CC2D2B: variants seen among roughly 807,000 people sequenced by gnomAD.
CC2D2B encodes the protein protein CC2D2B.
In CC2D2B, 128 loss-of-function variants were observed where a neutral mutation model predicts 161.2. That is an observed-to-expected ratio of 0.79 (90% CI 0.69 to 0.92). The LOEUF (loss-of-function observed/expected upper bound fraction) is 0.92. Ranked by LOEUF, CC2D2B falls within the 40% of genes least tolerant of loss-of-function variation. The pLI, the probability that CC2D2B is intolerant of heterozygous loss-of-function variation, is 0.00. For synonymous variants in CC2D2B, 391 were observed against 449.8 expected (o/e 0.87, Z 1.65); for missense variants, 1,173 against 1,375.1 (o/e 0.85, Z 2.32).
chr10:95,916,754 A>G (rs1188441855), intron 2 of CC2D2B, among the ~76,000 whole-genome samples: 1 of 152,164 alleles, frequency 6.6e-6, no homozygotes, highest in Admixed American at 6.5e-5. Flanking sequence ...CAGAGAAGAT[A>G]CTTGATATGA....
At chr10:95,985,439 T>A (rs2077679935) in intron 19 of CC2D2B, among the ~76,000 whole-genome samples, 1 of 152,240 alleles carries the variant, frequency 6.6e-6, no homozygotes, top group South Asian at 2.1e-4. Flanking sequence ...CTGTCTTTAC[T>A]GCAATCTCTT....
Position 95,974,153 on chromosome 10 carries a change from G to T in CC2D2B, c.1940G>T (p.Cys647Phe), listed in dbSNP as rs539048537. Reference sequence around the variant, plus strand: ...CCACAATCATTAAGATCTTCTTACTGCAGGTAATAAACTTTTATCTTTGAA... The same window carrying T: ...CCACAATCATTAAGATCTTCTTACTTCAGGTAATAAACTTTTATCTTTGAA... ...PMPQSLRSSY[C>F]SMLRNVDARS... The change falls in exon 17 of 35, where the codon TGC (cysteine) becomes TTC (phenylalanine). Residue 647 changes from cysteine (C) to phenylalanine (F), a missense_variant. This residue lies in a region of CC2D2B where 277 missense variants were observed against 420.6 expected (regional missense o/e 0.66). Transcript: ENST00000646931. 4.3e-5 allele frequency: 53 copies of T among 1,228,478 alleles called. 1 individual carries two copies. In the South Asian group the frequency reaches 2.0e-3, roughly 47 times the overall value. 76.1% of individuals were successfully genotyped at this position (1,228,478 alleles called of 1,614,324 possible). A position where few individuals can be genotyped will look rare whatever the true frequency, so the allele number is the denominator to read the frequency against.
At chr10:95,959,071 A>G (rs1403467950) in intron 11 of CC2D2B, among the ~76,000 whole-genome samples, 1 of 152,034 alleles carries the variant, frequency 6.6e-6, no homozygotes, top group Non-Finnish European at 1.5e-5. Flanking sequence ...AAACATTTAT[A>G]TGGAAAAGAC....
chr10:96,028,702 G>A (rs2079891851), intron 34 of CC2D2B, among the ~76,000 whole-genome samples: 1 of 152,156 alleles, frequency 6.6e-6, no homozygotes, highest in South Asian at 2.1e-4. Flanking sequence ...CTGTTCACAA[G>A]AGCCAAGATT....
intron 29 of CC2D2B, among the ~76,000 whole-genome samples, chr10:96,014,498 T>C (rs921764355): frequency 2.6e-5 from 4 of 152,214 alleles, no homozygotes; most frequent in Non-Finnish European, 4.4e-5. Context: ...CATGAGTGTA[T>C]GACTGATTCA....
intron 2 of CC2D2B, among the ~76,000 whole-genome samples, chr10:95,912,030 T>C (rs923192404): frequency 1.3e-5 from 2 of 152,148 alleles, no homozygotes; most frequent in Non-Finnish European, 2.9e-5. Flanking sequence ...ATTTTGAAGT[T>C]TTTTCGGAAA....
At chr10:95,963,905 T>C (rs2076852980) in intron 12 of CC2D2B, among the ~76,000 whole-genome samples, 1 of 152,170 alleles carries the variant, frequency 6.6e-6, no homozygotes, top group African/African-American at 2.4e-5. Flanking sequence ...AAACTCTCCT[T>C]GTTAACTGTT....
intron 2 of CC2D2B, chr10:95,919,494 G>A (rs2098522544): frequency 6.6e-6 from 1 of 152,208 alleles, no homozygotes; most frequent in Admixed American, 6.5e-5. Context: ...CAAACAAAGT[G>A]TCTTTCTCTC....
At chr10:95,997,533 G>A (rs1420977205) in intron 24 of CC2D2B, among the ~76,000 whole-genome samples, 2 of 152,050 alleles carry the variant, frequency 1.3e-5, no homozygotes, top group African/African-American at 4.8e-5. Flanking sequence ...GACTACAGGA[G>A]TGTACCACCA....
At chr10:95,971,936 G>A in intron 15 of CC2D2B, 130 bp from the exon 16 acceptor site, 1 of 450,358 alleles carries the variant, frequency 2.2e-6, no homozygotes, top group East Asian at 3.6e-5. Context: ...TCATGTGGAT[G>A]AAATGCTATA....
At chr10:96,028,811 C>T (rs1467578013) in intron 34 of CC2D2B, among the ~76,000 whole-genome samples, 2 of 152,144 alleles carry the variant, frequency 1.3e-5, no homozygotes, top group Non-Finnish European at 2.9e-5. Flanking sequence ...GGATGAGATC[C>T]TGTCATTTGC....
chr10:95,960,313 C>T (rs980181272), intron 11 of CC2D2B, among the ~76,000 whole-genome samples: 1 of 152,094 alleles, frequency 6.6e-6, no homozygotes, highest in Non-Finnish European at 1.5e-5. Flanking sequence ...ATGTTGGTAA[C>T]ATTTACAATA....
In CC2D2B at chr10:95,988,238, T is replaced by A. The variant is rs1307274801; in HGVS notation, c.2287-12T>A. ...TACATTCAAGAAGTGAAACTAACAA[T>A]TCTGTATTTAGGAGTATGAAAGTCA... On this transcript the variant is annotated splice_polypyrimidine_tract_variant and intron_variant, in intron 19 of 34. Coordinates refer to ENST00000646931, the MANE Select transcript of CC2D2B (RefSeq NM_001349008.3). 1 of 1,110,776 alleles carries A rather than the reference T, an allele frequency of 9.0e-7. No individual in the cohort carries two copies. The highest frequency in any genetic ancestry group is 1.6e-5 in the African/African-American group (1 of 61,936). The allele number at this position is 1,110,776 out of a possible 1,614,324, so 68.8% of individuals were successfully genotyped here. A position where few individuals can be genotyped will look rare whatever the true frequency, so the allele number is the denominator to read the frequency against.
intron 11 of CC2D2B, among the ~76,000 whole-genome samples, chr10:95,957,455 C>T (rs191408632): frequency 8.6e-5 from 13 of 151,958 alleles, no homozygotes; most frequent in African/African-American, 2.9e-4. Context: ...AGAAAGTGAC[C>T]ACACATACCC....
chr10:95,909,424 T>A (rs530592105), intron 1 of CC2D2B, among the ~76,000 whole-genome samples: 1 of 152,334 alleles, frequency 6.6e-6, no homozygotes, highest in African/African-American at 2.4e-5. Flanking sequence ...GCATCCTAAT[T>A]CAAATTAAGT....
intron 15 of CC2D2B, among the ~76,000 whole-genome samples, chr10:95,970,036 CTT>C (rs575422353): frequency 2.8e-5 from 4 of 141,976 alleles, no homozygotes; most frequent in Non-Finnish European, 4.7e-5. Flanking sequence ...ATTTTTAATT[CTT>C]TTTTTTTTTT....
At chr10:96,017,172 C>T (rs2079238968) in intron 30 of CC2D2B, among the ~76,000 whole-genome samples, 1 of 152,206 alleles carries the variant, frequency 6.6e-6, no homozygotes, top group African/African-American at 2.4e-5. Context: ...GCTTCTTCTA[C>T]ATTTGTACCA....
chr10:95,959,707 G>T (rs2076696688), intron 11 of CC2D2B, among the ~76,000 whole-genome samples: 1 of 150,458 alleles, frequency 6.6e-6, no homozygotes, highest in South Asian at 2.1e-4. Context: ...GGAATGCAAG[G>T]ATGGTTCAAC....
At chr10:96,013,669 A>G (rs1465612462) in intron 28 of CC2D2B, 119 bp from the exon 29 acceptor site, 2 of 564,842 alleles carry the variant, frequency 3.5e-6, no homozygotes, top group Non-Finnish European at 6.1e-6. Context: ...ATACTAGAAT[A>G]ATAATAGTGT....
Sources: gnomAD v4.1 joint callset for allele counts (sites outside exome capture counted in the v4.1 genomes callset) on GRCh38, gnomAD v4.1.1 for gene constraint, gnomAD v4.1.1 regional missense constraint, MANE v1.5 for transcripts, NCBI Gene and HGNC (gene_info 2026-07-23, HGNC 2026-07-21) for gene names.